DISC1: variants seen among roughly 807,000 people sequenced by gnomAD.
DISC1 encodes the protein DISC1 scaffold protein, also known as disrupted in schizophrenia 1 protein.
In DISC1, 57 loss-of-function variants were observed where a neutral mutation model predicts 84.5. The ratio of observed to expected loss-of-function variants is 0.67; its 90% CI spans 0.55 to 0.84. The LOEUF (loss-of-function observed/expected upper bound fraction) is 0.84. Ranked by LOEUF, DISC1 falls within the 40% of genes least tolerant of loss-of-function variation. DISC1 has a pLI of 0.00. For synonymous variants in DISC1, 411 were observed against 415.2 expected (o/e 0.99, Z 0.12); for missense variants, 1,000 against 1,057.8 (o/e 0.95, Z 0.76).
chr1:231,811,311 C>T (rs546942181), intron 8 of DISC1, among the ~76,000 whole-genome samples: 13 of 152,152 alleles, frequency 8.5e-5, no homozygotes, highest in Admixed American at 2.0e-4. Flanking sequence ...GCTTCTTGGC[C>T]GCCTCCATTG....
At chr1:231,984,315 T>C (rs145962437) in intron 10 of DISC1, among the ~76,000 whole-genome samples, 1 of 152,080 alleles carries the variant, frequency 6.6e-6, no homozygotes, top group Non-Finnish European at 1.5e-5. Context: ...CAAAGGAAAG[T>C]AGAGAAATTG....
chr1:232,012,353 T>C (rs181610764), intron 11 of DISC1, among the ~76,000 whole-genome samples: 2 of 152,320 alleles, frequency 1.3e-5, no homozygotes, highest in East Asian at 3.9e-4. Context: ...AACTCCCGTT[T>C]GTATTCGGGT....
At chr1:231,950,202 T>TTC (rs1553405330) in intron 9 of DISC1, among the ~76,000 whole-genome samples, 3 of 91,710 alleles carry the variant, frequency 3.3e-5, no homozygotes, top group African/African-American at 1.3e-4. Context: ...TGAAAAAAAA[T>TTC]TCTGTGTGTG....
chr1:231,760,380 A>G (rs2075550457), intron 4 of DISC1, among the ~76,000 whole-genome samples: 1 of 152,122 alleles, frequency 6.6e-6, no homozygotes, highest in South Asian at 2.1e-4. Flanking sequence ...AGAGGGAGAG[A>G]TGGGACACAC....
chr1:231,965,365 T>C (rs911580131), intron 10 of DISC1, among the ~76,000 whole-genome samples: 2 of 152,136 alleles, frequency 1.3e-5, no homozygotes, highest in African/African-American at 4.8e-5. Context: ...TATCCCTCCT[T>C]CTCCTTATCC....
intron 11 of DISC1, among the ~76,000 whole-genome samples, chr1:232,013,410 A>C (rs1668204454): frequency 1.3e-5 from 2 of 150,488 alleles, no homozygotes; most frequent in South Asian, 4.1e-4. Flanking sequence ...TCATTTGTTC[A>C]GATTGAGGTC....
chr1:231,734,915 A>G (rs200299307), intron 3 of DISC1, among the ~76,000 whole-genome samples: 18 of 152,222 alleles, frequency 1.2e-4, no homozygotes, highest in Non-Finnish European at 2.6e-4. Context: ...CCCTGAAAAG[A>G]TCTATGAGCT....
intron 8 of DISC1, among the ~76,000 whole-genome samples, chr1:231,808,012 A>G (rs771320157): frequency 1.8e-4 from 27 of 152,274 alleles, no homozygotes; most frequent in Non-Finnish European, 2.6e-4. Flanking sequence ...TGCATTCCCA[A>G]TGGAAGGACT....
At chr1:231,687,802 C>T (rs1053051349) in intron 1 of DISC1, among the ~76,000 whole-genome samples, 1 of 152,104 alleles carries the variant, frequency 6.6e-6, no homozygotes, top group Admixed American at 6.6e-5. Context: ...AGTTAATATT[C>T]AATGGGTACC....
chr1:231,923,893 G>T (rs1016720457), intron 9 of DISC1, among the ~76,000 whole-genome samples: 6 of 152,180 alleles, frequency 3.9e-5, no homozygotes, highest in Admixed American at 2.0e-4. Context: ...TTGGGCCAGA[G>T]AATTGTTTCC....
At chr1:231,741,948 T>C (rs1329758221) in intron 3 of DISC1, among the ~76,000 whole-genome samples, 2 of 152,170 alleles carry the variant, frequency 1.3e-5, no homozygotes, top group Non-Finnish European at 2.9e-5. Flanking sequence ...TGGGCTCTGC[T>C]CTTTTACAAT....
Position 231,626,886 on chromosome 1 carries a change from C to G in DISC1, c.19C>G (p.Gln7Glu). 1 of 1,493,126 alleles carries G rather than the reference C, an allele frequency of 6.7e-7. No individual in the cohort carries two copies. The highest frequency in any genetic ancestry group is 1.5e-5 in the African/African-American group (1 of 68,264). 92.5% of individuals were successfully genotyped at this position (1,493,126 alleles called of 1,614,324 possible). The change falls in exon 1 of 13, where the codon CAG becomes GAG. Residue 7 changes from glutamine (Q) to glutamate (E), a missense_variant. Gln to Glu is a conservative substitution (Grantham distance 29, BLOSUM62 2). Coordinates refer to ENST00000439617, the MANE Select transcript of DISC1 (RefSeq NM_018662.3). Reference protein sequence around the residue: MPGGGPQGAPAAAGGGG... With the variant: MPGGGPEGAPAAAGGGG... ...GGGGCGCATGCCAGGCGGGGGTCCT[C>G]AGGGCGCCCCAGCCGCCGCCGGCGG...
intron 9 of DISC1, among the ~76,000 whole-genome samples, chr1:231,878,928 C>T (rs1009516119): frequency 6.6e-6 from 1 of 152,166 alleles, no homozygotes; most frequent in Non-Finnish European, 1.5e-5. Context: ...ACATGAGACT[C>T]ATCCAGATTG....
chr1:231,686,998 T>C (rs930994667), intron 1 of DISC1, among the ~76,000 whole-genome samples: 5 of 152,164 alleles, frequency 3.3e-5, no homozygotes, highest in African/African-American at 1.2e-4. Context: ...TCCCAACAAG[T>C]TCCTCATCTC....
Position 231,643,009 on chromosome 1 carries a change from C to G in DISC1, c.67+16075C>G, listed in dbSNP as rs562749631. On this transcript the variant is annotated intron_variant, in intron 1 of 12. Coordinates refer to ENST00000439617, the MANE Select transcript of DISC1 (RefSeq NM_018662.3). ...GAGGACTTGGTCTACTGCCTTCCCA[C>G]CAAACCTTGCCGGCTCTGTAAATTT... 2.6e-5 allele frequency among the ~76,000 whole-genome samples: 4 copies of G among 152,306 alleles called. No homozygotes were observed. The South Asian group carries it at 8.3e-4, about 32-fold the overall frequency.
chr1:231,841,804 AC>A (rs1190680398), intron 9 of DISC1, among the ~76,000 whole-genome samples: 8 of 146,764 alleles, frequency 5.5e-5, no homozygotes, highest in Admixed American at 1.4e-4. Flanking sequence ...ATTATTAATA[AC>A]TGTTAATCAA....
chr1:231,901,076 G>C (rs1410516802), intron 9 of DISC1, among the ~76,000 whole-genome samples: 3 of 152,084 alleles, frequency 2.0e-5, no homozygotes, highest in African/African-American at 7.2e-5. Flanking sequence ...GGGTGGAATG[G>C]TAGACTGGAG....
intron 4 of DISC1, among the ~76,000 whole-genome samples, chr1:231,761,056 G>T (rs996924195): frequency 2.0e-5 from 3 of 152,146 alleles, no homozygotes; most frequent in African/African-American, 7.2e-5. Flanking sequence ...TGTGATGTAG[G>T]ATCTTATTTT....
At chr1:231,855,141 A>G (rs761910180) in intron 9 of DISC1, 27 of 1,010,918 alleles carry the variant, frequency 2.7e-5, no homozygotes, top group South Asian at 3.8e-5. Flanking sequence ...TTGGTTTTCA[A>G]TGTTGATGCA....
Sources: gnomAD v4.1 joint callset for allele counts (sites outside exome capture counted in the v4.1 genomes callset) on GRCh38, gnomAD v4.1.1 for gene constraint, MANE v1.5 for transcripts, NCBI Gene and HGNC (gene_info 2026-07-23, HGNC 2026-07-21) for gene names.